The following MRRF variants were observed in gnomAD, a reference collection of about 807,000 sequenced individuals.
MRRF encodes ribosome-recycling factor, mitochondrial.
In MRRF, 18 loss-of-function variants were observed where a neutral mutation model predicts 25.1. The ratio of observed to expected loss-of-function variants is 0.72; its 90% CI spans 0.50 to 1.06. MRRF has a LOEUF of 1.06. Among genes scored for constraint, MRRF ranks in the 50% least tolerant of loss-of-function variants. The pLI is 0.00. For synonymous variants in MRRF, 113 were observed against 112.1 expected (o/e 1.01, Z -0.05); for missense variants, 323 against 319.3 (o/e 1.01, Z -0.09).
chr9:122,304,656 A>C (rs980103885), intron 5 of MRRF, among the ~76,000 whole-genome samples: 3 of 152,106 alleles, frequency 2.0e-5, no homozygotes, highest in Non-Finnish European at 4.4e-5. Flanking sequence ...TCACTATTCC[A>C]TTGCATTCCT....
Position 122,322,584 on chromosome 9 carries a change from T to C in MRRF, c.756T>C (p.His252=). 6.2e-7 allele frequency: 1 copy of C among 1,614,162 alleles called. No homozygotes were observed. Among genetic ancestry groups the C allele is most frequent in the Non-Finnish European group, 8.5e-7 (1 of 1,180,022 alleles). The change falls in exon 7 of 7, where the codon CAT becomes CAC. Residue 252 remains histidine (H), a synonymous_variant. Transcript: ENST00000344641. ...ACACAGTGGCAGAACTGGACAGGCA[T>C]CTGGCAGTGAAGACCAAAGAACTCC... The part of the protein sequence containing the change: ...ADDTVAELDR[H]LAVKTKELLG
At chr9:122,276,578 T>C (rs1832789467) in intron 2 of MRRF, among the ~76,000 whole-genome samples, 1 of 152,246 alleles carries the variant, frequency 6.6e-6, no homozygotes, top group Non-Finnish European at 1.5e-5. Flanking sequence ...TTCAAACAAA[T>C]GGTTGTTTTG....
At chr9:122,280,362 A>G (rs1833024302) in intron 2 of MRRF, 81 bp from the exon 3 acceptor site, 7 of 1,447,824 alleles carry the variant, frequency 4.8e-6, no homozygotes, top group East Asian at 4.5e-5. Flanking sequence ...TTCCCTGTAC[A>G]TAGTAGGTAC....
intron 6 of MRRF, among the ~76,000 whole-genome samples, chr9:122,318,062 G>A (rs560959242): frequency 3.7e-4 from 57 of 152,220 alleles, no homozygotes; most frequent in South Asian, 2.1e-4. Context: ...GCTTGAACCC[G>A]GGAGGCAGAG....
chr9:122,274,242 A>G (rs1832636509), intron 2 of MRRF, among the ~76,000 whole-genome samples: 1 of 152,262 alleles, frequency 6.6e-6, no homozygotes, highest in Non-Finnish European at 1.5e-5. Context: ...ACTTCAAATT[A>G]TACCACAGAG....
chr9:122,302,754 G>C (rs1480115386), intron 5 of MRRF, among the ~76,000 whole-genome samples: 3 of 152,160 alleles, frequency 2.0e-5, no homozygotes, highest in African/African-American at 7.2e-5. Context: ...TAATTGCTGG[G>C]TCATATGGTA....
At chr9:122,307,461 G>A (rs1004967639) in intron 5 of MRRF, among the ~76,000 whole-genome samples, 1 of 152,150 alleles carries the variant, frequency 6.6e-6, no homozygotes, top group Non-Finnish European at 1.5e-5. Flanking sequence ...TAAGCACCAA[G>A]TGGCTAAATC....
At chr9:122,287,408 A>G (rs1455696399) in intron 4 of MRRF, among the ~76,000 whole-genome samples, 2 of 152,196 alleles carry the variant, frequency 1.3e-5, no homozygotes, top group Non-Finnish European at 2.9e-5. Flanking sequence ...AAATTGATGA[A>G]AAGGGAACTG....
chr9:122,292,135 C>T (rs976718060), intron 5 of MRRF, among the ~76,000 whole-genome samples: 22 of 152,106 alleles, frequency 1.4e-4, no homozygotes, highest in African/African-American at 5.3e-4. Context: ...TAATGAAATG[C>T]TATGAGGAAA....
Position 122,270,951 on chromosome 9 carries a change from A to G in MRRF, c.60A>G (p.Ala20=). The G allele has an allele frequency of 2.5e-6, 4 of 1,614,206 alleles. No homozygotes were observed. Among genetic ancestry groups the G allele is most frequent in the Non-Finnish European group, 3.4e-6 (4 of 1,180,016 alleles). The change falls in exon 2 of 7, where the codon GCA becomes GCG. Residue 20 remains alanine (A), a synonymous_variant. Coordinates refer to ENST00000344641, the MANE Select transcript of MRRF (RefSeq NM_138777.5). ...ACCCTACCTTTCGCAATTATCTTGCAGCCTCTATCAGACCCGTTTCAGAAG... is the reference window on the plus strand; with the variant it reads ...ACCCTACCTTTCGCAATTATCTTGCGGCCTCTATCAGACCCGTTTCAGAAG... ...MVHPTFRNYL[A]ASIRPVSEVT...
intron 2 of MRRF, among the ~76,000 whole-genome samples, chr9:122,278,600 A>G (rs957626752): frequency 1.3e-5 from 2 of 152,138 alleles, no homozygotes; most frequent in East Asian, 1.9e-4. Context: ...ATTCATAAAT[A>G]TTACTATTCA....
rs965140938 is a variant in MRRF, at chr9:122,328,968, C to A, written c.*6351C>A. The A allele has an allele frequency of 1.3e-5, 2 of 152,058 alleles. No homozygotes were observed. The highest frequency in any genetic ancestry group is 4.2e-4 in the South Asian group (2 of 4,814). 9.4% of individuals were successfully genotyped at this position (152,058 alleles called of 1,614,324 possible). On this transcript the variant is annotated 3_prime_UTR_variant, in exon 7 of 7. Transcript: ENST00000344641. ...ATATGCACAGCTGTGCCCGAAGATC[C>A]CTTTCTCTTACATTCCTTTCTTCTG...
intron 1 of MRRF, among the ~76,000 whole-genome samples, chr9:122,269,422 C>T (rs1345745122): frequency 6.6e-6 from 1 of 151,732 alleles, no homozygotes; most frequent in African/African-American, 2.4e-5. Context: ...TTGTGTCTGA[C>T]CCTGGCATAA....
At chr9:122,287,015 G>A (rs1833457088) in intron 4 of MRRF, among the ~76,000 whole-genome samples, 1 of 152,128 alleles carries the variant, frequency 6.6e-6, no homozygotes, top group Non-Finnish European at 1.5e-5. Context: ...TGCATATCCT[G>A]TTCCCATTGC....
intron 5 of MRRF, among the ~76,000 whole-genome samples, chr9:122,293,420 A>C (rs1228588682): frequency 6.6e-6 from 1 of 152,220 alleles, no homozygotes; most frequent in African/African-American, 2.4e-5. Context: ...TTGATAACAA[A>C]GCCTCATGAT....
At chr9:122,313,105 G>A in intron 5 of MRRF, 122 bp from the exon 6 acceptor site, 1 of 1,022,260 alleles carries the variant, frequency 9.8e-7, no homozygotes, top group Non-Finnish European at 1.5e-6. Context: ...GAAATTCCAG[G>A]AGTTCAGCCC....
intron 4 of MRRF, among the ~76,000 whole-genome samples, chr9:122,286,873 G>A (rs942357161): frequency 6.6e-6 from 1 of 152,126 alleles, no homozygotes; most frequent in African/African-American, 2.4e-5. Context: ...GGCCTAGATG[G>A]CTTTGCTTGA....
intron 6 of MRRF, among the ~76,000 whole-genome samples, chr9:122,321,046 G>A (rs1032610056): frequency 6.6e-6 from 1 of 152,226 alleles, no homozygotes; most frequent in Non-Finnish European, 1.5e-5. Flanking sequence ...TTCACTTAGT[G>A]TGTTTTTCCT....
intron 5 of MRRF, among the ~76,000 whole-genome samples, chr9:122,299,385 G>T (rs748177741): frequency 2.6e-4 from 39 of 151,960 alleles, no homozygotes; most frequent in South Asian, 6.2e-4. Flanking sequence ...AAAGTGCTGG[G>T]ATTACAGGCA....
Sources: gnomAD v4.1 joint callset for allele counts (sites outside exome capture counted in the v4.1 genomes callset) on GRCh38, gnomAD v4.1.1 for gene constraint, MANE v1.5 for transcripts, NCBI Gene and HGNC (gene_info 2026-07-23, HGNC 2026-07-21) for gene names.